APC: variants seen among roughly 807,000 people sequenced by gnomAD.
APC encodes the protein APC regulator of Wnt signaling pathway.
A neutral mutation model predicts 247.0 loss-of-function variants in APC; 72 were observed. The ratio of observed to expected loss-of-function variants is 0.29; its 90% CI spans 0.24 to 0.35. APC has a LOEUF of 0.35. Among genes scored for constraint, APC ranks in the 10% least tolerant of loss-of-function variants. The probability of loss-of-function intolerance (pLI) is 1.00; values close to 1 mark genes in which losing one functional copy is unlikely to be tolerated. For missense variants in APC, 3,400 were observed against 3,360.7 expected, an observed-to-expected ratio of 1.01 and a Z score of -0.29; for synonymous variants, 1,254 against 1,162.5, an observed-to-expected ratio of 1.08 and a Z score of -1.60.
In APC at chr5:112,745,575, A is replaced by T. The variant is rs192308970; in HGVS notation, c.-19+7650A>T. On this transcript the variant is annotated intron_variant, in intron 1 of 15. Transcript: ENST00000257430. ...TATTATTATTATTATTATTATTATT[A>T]TTTTTTGAGACGGAGTCTCACTCTG... 8.8e-3 allele frequency among the ~76,000 whole-genome samples: 1,326 copies of T among 149,996 alleles called. 7 individuals carry two copies. The highest frequency in any genetic ancestry group is 0.011 in the African/African-American group (449 of 40,850).
intron 6 of APC, among the ~76,000 whole-genome samples, chr5:112,785,429 A>T (rs1443778797): frequency 6.6e-6 from 1 of 152,222 alleles, no homozygotes; most frequent in South Asian, 2.1e-4. Context: ...AGGAAACTTT[A>T]AAGTAACTAG....
intron 1 of APC, 115 bp downstream of exon 1, chr5:112,738,040 T>A (rs1752529640): frequency 1.4e-6 from 1 of 701,870 alleles, no homozygotes; most frequent in Non-Finnish European, 1.8e-6. Context: ...CACTGCAGCA[T>A]GCCAAACGAG....
At chr5:112,779,805 T>C (rs1758126640) in intron 5 of APC, among the ~76,000 whole-genome samples, 2 of 152,202 alleles carry the variant, frequency 1.3e-5, no homozygotes, top group Non-Finnish European at 2.9e-5. Context: ...CCTAAGGGAA[T>C]GCATTCTGCA....
chr5:112,762,196 T>G (rs527334984), intron 2 of APC, among the ~76,000 whole-genome samples: 3 of 152,322 alleles, frequency 2.0e-5, no homozygotes, highest in Admixed American at 2.0e-4. Flanking sequence ...TCACTCCTAC[T>G]CAAATGACTG....
chr5:112,821,313 C>T (rs1045263927), intron 10 of APC, among the ~76,000 whole-genome samples: 2 of 152,036 alleles, frequency 1.3e-5, no homozygotes, highest in Non-Finnish European at 2.9e-5. Flanking sequence ...TGAGACTACC[C>T]TGGGCAACAT....
chr5:112,737,149 A>T (rs1314899673), upstream of APC, among the ~76,000 whole-genome samples: 3 of 152,220 alleles, frequency 2.0e-5, no homozygotes, highest in Non-Finnish European at 4.4e-5. Context: ...TGTAGTAGCT[A>T]ACAGCACTTC....
At chr5:112,809,784 G>A (rs939618472) in intron 8 of APC, among the ~76,000 whole-genome samples, 1 of 152,132 alleles carries the variant, frequency 6.6e-6, no homozygotes, top group Admixed American at 6.5e-5. Context: ...GGCGGATCAC[G>A]AGGTCAGGAG....
intron 1 of APC, among the ~76,000 whole-genome samples, chr5:112,711,703 A>G (rs928692112): frequency 4.6e-5 from 7 of 152,216 alleles, no homozygotes; most frequent in African/African-American, 1.7e-4. Flanking sequence ...TCTGGGTGAC[A>G]GAACGAGACC....
At chr5:112,731,277 C>G (rs1458070868) in intron 1 of APC, among the ~76,000 whole-genome samples, 3 of 152,008 alleles carry the variant, frequency 2.0e-5, no homozygotes, top group Non-Finnish European at 4.4e-5. Context: ...TTGCCTTTGT[C>G]CATTTTCTGC....
At chr5:112,791,682 A>G (rs936385563) in intron 6 of APC, among the ~76,000 whole-genome samples, 8 of 152,182 alleles carry the variant, frequency 5.3e-5, no homozygotes, top group Non-Finnish European at 7.3e-5. Context: ...ATATTTATTA[A>G]AACAAATCAG....
intron 14 of APC, among the ~76,000 whole-genome samples, chr5:112,833,423 C>A (rs115298681): frequency 0.031 from 4,777 of 151,848 alleles, 133 homozygotes; most frequent in Non-Finnish European, 0.049. Context: ...CCTCGTGATC[C>A]GTGCACCTTG....
chr5:112,717,982 C>G (rs1037952643), intron 1 of APC, among the ~76,000 whole-genome samples: 2 of 99,490 alleles, frequency 2.0e-5, no homozygotes, highest in African/African-American at 8.0e-5. Flanking sequence ...TTGCTTCAGA[C>G]TTATCTTCAA....
At chr5:112,721,026 TGATTG>T (rs1751455541) in intron 1 of APC, among the ~76,000 whole-genome samples, 1 of 152,286 alleles carries the variant, frequency 6.6e-6, no homozygotes, top group Admixed American at 6.5e-5. Context: ...AGAGCATTTT[TGATTG>T]GATTGGAGAA....
At chr5:112,738,510 A>C (rs1253166576) in intron 1 of APC, 2 of 985,366 alleles carry the variant, frequency 2.0e-6, no homozygotes, top group African/African-American at 1.7e-5. Context: ...ACTGGTCACC[A>C]GTAGTGTGCC....
At chr5:112,789,178 G>C (rs951676449) in intron 6 of APC, among the ~76,000 whole-genome samples, 4 of 152,146 alleles carry the variant, frequency 2.6e-5, no homozygotes, top group Non-Finnish European at 5.9e-5. Flanking sequence ...CTCCTGAACA[G>C]TTTGTTATTA....
chr5:112,795,168 A>G (rs534582107), intron 7 of APC, among the ~76,000 whole-genome samples: 84 of 152,272 alleles, frequency 5.5e-4, no homozygotes, highest in African/African-American at 1.9e-3. Context: ...CTGGGATTGT[A>G]GGTGTCTGCC....
intron 2 of APC, among the ~76,000 whole-genome samples, chr5:112,760,554 G>C (rs1755535198): frequency 6.6e-6 from 1 of 152,168 alleles, no homozygotes; most frequent in Non-Finnish European, 1.5e-5. Context: ...GAACTGGAAA[G>C]GCAAAGTGAA....
intron 12 of APC, 50 bp from the exon 13 acceptor site, chr5:112,827,879 G>T (rs2149812787): frequency 6.7e-7 from 1 of 1,493,806 alleles, no homozygotes; most frequent in Non-Finnish European, 9.3e-7. Flanking sequence ...AATAAAGCTT[G>T]GCTTCAAGTT....
Position 112,754,955 on chromosome 5 carries a change from A to G in APC, c.65A>G (p.Asn22Ser). ...GAGGCACTGAAGATGGAGAACTCAA[A>G]TCTTCGACAAGAGCTAGAAGATAAT... ...QVEALKMENS[N>S]LRQELEDNSN... Residue 22 changes from asparagine (N) to serine (S), a missense_variant, in exon 2 of 16, where the codon AAT (asparagine) becomes AGT (serine). Coordinates refer to ENST00000257430, the MANE Select transcript of APC (RefSeq NM_000038.6). The G allele has an allele frequency of 6.2e-7, 1 of 1,613,888 alleles. No homozygotes were observed. Among genetic ancestry groups the G allele is most frequent in the South Asian group, 1.1e-5 (1 of 91,086 alleles).
Sources: gnomAD v4.1 joint callset for allele counts (sites outside exome capture counted in the v4.1 genomes callset) on GRCh38, gnomAD v4.1.1 for gene constraint, MANE v1.5 for transcripts, NCBI Gene and HGNC (gene_info 2026-07-23, HGNC 2026-07-21) for gene names.